Variants in GLG1 observed in about 807,000 individuals in gnomAD.
The protein encoded by GLG1 is Golgi apparatus protein 1.
A neutral mutation model predicts 160.5 loss-of-function variants in GLG1; 38 were observed. The ratio of observed to expected loss-of-function variants is 0.24; its 90% CI spans 0.18 to 0.31. GLG1 has a LOEUF of 0.31. Ranked by LOEUF, GLG1 falls within the 10% of genes least tolerant of loss-of-function variation. The pLI, the probability that GLG1 is intolerant of heterozygous loss-of-function variation, is 1.00. For synonymous variants in GLG1, 644 were observed against 543.4 expected, an observed-to-expected ratio of 1.19 and a Z score of -2.57; for missense variants, 1,373 against 1,505.2, an observed-to-expected ratio of 0.91 and a Z score of 1.45.
rs1053096945 is a variant in GLG1 at position 74,580,561 on chromosome 16, A to G, written c.438+26096T>C. Among the ~76,000 whole-genome samples the G allele has an allele frequency of 3.3e-5, 5 of 152,302 alleles. No individual in the cohort carries two copies. In the South Asian group the frequency reaches 1.0e-3, roughly 32 times the overall value. ...TCAAAGGCCTAAATGTAAGATCTAA[A>G]ACTACAATATACTGTGAAGCAAGCA... On this transcript the variant is annotated intron_variant, in intron 1 of 25. Coordinates refer to ENST00000422840, the MANE Select transcript of GLG1 (RefSeq NM_001145667.2).
chr16:74,494,092 T>C (rs1303649155), intron 6 of GLG1, among the ~76,000 whole-genome samples: 3 of 151,846 alleles, frequency 2.0e-5, no homozygotes, highest in Admixed American at 2.0e-4. Context: ...GGAGACTTGC[T>C]TGAACCCGGC....
At chr16:74,467,313 A>T (rs2015035124) in intron 18 of GLG1, among the ~76,000 whole-genome samples, 1 of 152,160 alleles carries the variant, frequency 6.6e-6, no homozygotes, top group Non-Finnish European at 1.5e-5. Flanking sequence ...ACTCCTGACA[A>T]TTCTGGATAG....
intron 12 of GLG1, among the ~76,000 whole-genome samples, chr16:74,475,835 A>G (rs538040462): frequency 6.6e-6 from 1 of 151,944 alleles, no homozygotes; most frequent in Non-Finnish European, 1.5e-5. Context: ...AAGCTAAAGG[A>G]AAATACCCCA....
chr16:74,459,863 T>A, intron 22 of GLG1, 74 bp from the exon 23 acceptor site: 1 of 788,232 alleles, frequency 1.3e-6, no homozygotes, highest in East Asian at 2.8e-5. Context: ...TCTTTTTTTT[T>A]TTTATTTTTT....
intron 1 of GLG1, among the ~76,000 whole-genome samples, chr16:74,591,270 G>C (rs1958177177): frequency 6.6e-6 from 1 of 151,828 alleles, no homozygotes. Flanking sequence ...GGCGGAGGCT[G>C]CCGTGAGCCA....
At chr16:74,498,204 G>A (rs891720687) in intron 4 of GLG1, among the ~76,000 whole-genome samples, 3 of 151,262 alleles carry the variant, frequency 2.0e-5, no homozygotes, top group African/African-American at 7.3e-5. Flanking sequence ...AGGCCAAGGT[G>A]GGCGGATCAC....
At chr16:74,507,646 G>A (rs1187029576) in intron 3 of GLG1, among the ~76,000 whole-genome samples, 2 of 151,994 alleles carry the variant, frequency 1.3e-5, no homozygotes, top group Non-Finnish European at 2.9e-5. Context: ...TGAGGCAGGA[G>A]AACTGCTTGA....
Position 74,569,128 on chromosome 16 carries a change from C to CG in GLG1, c.439-36976_439-36975insC, listed in dbSNP as rs2018745825. ...CACTTAAAGCTGGCATCTCAAAAGG[C>CG]TACACCCTTAAGACAAGGGTGAATC... is the stretch of plus-strand genomic sequence containing the variant. On this transcript the variant is annotated intron_variant, in intron 1 of 25. Coordinates refer to ENST00000422840, the MANE Select transcript of GLG1 (RefSeq NM_001145667.2). Among the ~76,000 whole-genome samples the CG allele has an allele frequency of 2.0e-5, 3 of 152,316 alleles. No individual in the cohort carries two copies. In the South Asian group the frequency reaches 6.2e-4, roughly 32 times the overall value.
Position 74,465,295 on chromosome 16 carries a change from G to GACATT in GLG1, c.2667+376_2667+380dup, listed in dbSNP as rs149033576. On this transcript the variant is annotated intron_variant, in intron 19 of 25. Coordinates refer to ENST00000422840, the MANE Select transcript of GLG1 (RefSeq NM_001145667.2). ...CTGAATGTGCCAGATGGATGATCAG[G>GACATT]ACATTAGATGGTGACTTTCTTAGTA... is the stretch of plus-strand genomic sequence containing the variant. Among the ~76,000 whole-genome samples, 1,413 of 152,300 alleles carry GACATT rather than the reference G, an allele frequency of 9.3e-3. 12 individuals carry two copies. The highest frequency in any genetic ancestry group is 0.014 in the Non-Finnish European group (932 of 68,016).
chr16:74,472,532 A>T (rs1392912018), intron 13 of GLG1, 121 bp from the exon 14 acceptor site: 23 of 1,438,956 alleles, frequency 1.6e-5, no homozygotes, highest in South Asian at 8.8e-5. Context: ...ATACTTTTGG[A>T]AACGATTCTA....
intron 13 of GLG1, among the ~76,000 whole-genome samples, chr16:74,473,653 G>A (rs918876147): frequency 6.6e-6 from 1 of 151,998 alleles, no homozygotes; most frequent in Non-Finnish European, 1.5e-5. Context: ...TGTTAGCCAG[G>A]ATGGTCTCGA....
chr16:74,468,826 A>T, intron 17 of GLG1, 120 bp downstream of exon 17: 1 of 685,290 alleles, frequency 1.5e-6, no homozygotes, highest in Non-Finnish European at 2.7e-6. Flanking sequence ...TTTGCACAGG[A>T]CTTCAAGTCT....
At chr16:74,524,317 A>G (rs1030709349) in intron 2 of GLG1, among the ~76,000 whole-genome samples, 1 of 152,200 alleles carries the variant, frequency 6.6e-6, no homozygotes, top group African/African-American at 2.4e-5. Flanking sequence ...CTCTACGATA[A>G]TAAGTAACTA....
chr16:74,511,848 T>A (rs2016818555), intron 2 of GLG1, among the ~76,000 whole-genome samples: 1 of 152,180 alleles, frequency 6.6e-6, no homozygotes. Context: ...CTGACAGGCA[T>A]AAATTTCCTT....
At chr16:74,563,644 T>C (rs1010148204) in intron 1 of GLG1, among the ~76,000 whole-genome samples, 4 of 149,158 alleles carry the variant, frequency 2.7e-5, no homozygotes, top group African/African-American at 1.0e-4. Flanking sequence ...GGAGAACTGC[T>C]TGAACCCAGG....
chr16:74,573,102 T>A (rs1307845765), intron 1 of GLG1, among the ~76,000 whole-genome samples: 1 of 152,180 alleles, frequency 6.6e-6, no homozygotes, highest in African/African-American at 2.4e-5. Flanking sequence ...GGAAAAACTC[T>A]TTGGTTTTTC....
intron 1 of GLG1, among the ~76,000 whole-genome samples, chr16:74,533,966 T>G (rs1258833176): frequency 6.6e-6 from 1 of 152,128 alleles, no homozygotes; most frequent in African/African-American, 2.4e-5. Context: ...ACACATCAAG[T>G]AGCCACACCT....
chr16:74,506,995 T>C (rs946790815), intron 3 of GLG1, among the ~76,000 whole-genome samples: 1 of 152,308 alleles, frequency 6.6e-6, no homozygotes, highest in Admixed American at 6.5e-5. Flanking sequence ...TTTAGCTCAA[T>C]CCTGGAGATT....
chr16:74,509,165 T>A (rs1265062369), intron 2 of GLG1, among the ~76,000 whole-genome samples: 1 of 43,418 alleles, frequency 2.3e-5, no homozygotes, highest in Non-Finnish European at 4.9e-5. Flanking sequence ...AAAGGACAAT[T>A]TTTTTTTTTT....
Sources: gnomAD v4.1 joint callset for allele counts (sites outside exome capture counted in the v4.1 genomes callset) on GRCh38, gnomAD v4.1.1 for gene constraint, MANE v1.5 for transcripts, NCBI Gene and HGNC (gene_info 2026-07-23, HGNC 2026-07-21) for gene names.